Variants in CNTN4 observed in about 807,000 individuals in gnomAD.
The protein encoded by CNTN4 is contactin-4.
CNTN4 carries 77 observed loss-of-function variants against 122.5 expected under a neutral mutation model. That is an observed-to-expected ratio of 0.63 (90% confidence interval 0.52 to 0.76). The LOEUF (loss-of-function observed/expected upper bound fraction) is 0.76. CNTN4 is among the 30% of genes least tolerant of loss of function. The pLI, the probability that CNTN4 is intolerant of heterozygous loss-of-function variation, is 0.00. For synonymous variants in CNTN4, 512 were observed against 447.0 expected (o/e 1.15, Z -1.83); for missense variants, 1,256 against 1,259.1 (o/e 1.00, Z 0.04).
At chr3:2,530,375 C>T (rs1311007014) in intron 3 of CNTN4, among the ~76,000 whole-genome samples, 1 of 144,048 alleles carries the variant, frequency 6.9e-6, no homozygotes, top group Non-Finnish European at 1.5e-5. Flanking sequence ...GTGGCACGAT[C>T]TCAGCTCACT....
At chr3:2,165,967 A>G (rs2036176921) in intron 2 of CNTN4, among the ~76,000 whole-genome samples, 1 of 152,042 alleles carries the variant, frequency 6.6e-6, no homozygotes, top group Non-Finnish European at 1.5e-5. Flanking sequence ...GTGTACCACA[A>G]TTTCTTCAAT....
chr3:2,426,320 G>A (rs2047831445), intron 3 of CNTN4, among the ~76,000 whole-genome samples: 3 of 152,190 alleles, frequency 2.0e-5, no homozygotes, highest in African/African-American at 7.2e-5. Flanking sequence ...CATCTATTGA[G>A]ATAATCATGT....
At chr3:2,255,300 C>G (rs930339868) in intron 2 of CNTN4, among the ~76,000 whole-genome samples, 4 of 151,720 alleles carry the variant, frequency 2.6e-5, no homozygotes, top group Non-Finnish European at 5.9e-5. Flanking sequence ...TCTTGGAGAC[C>G]TACAAAGAGA....
At chr3:2,891,363 C>T (rs2094038279) in intron 10 of CNTN4, among the ~76,000 whole-genome samples, 1 of 152,136 alleles carries the variant, frequency 6.6e-6, no homozygotes, top group Non-Finnish European at 1.5e-5. Context: ...AGGAGAATCA[C>T]TTGAACCCAG....
rs138165803 is a variant in CNTN4 at position 2,694,011 on chromosome 3, C to G, written c.56-42204C>G. Among the ~76,000 whole-genome samples the G allele has an allele frequency of 6.7e-3, 1,017 of 152,250 alleles. 6 individuals carry two copies. Among genetic ancestry groups the G allele is most frequent in the Non-Finnish European group, 0.011 (766 of 68,024 alleles). On this transcript the variant is annotated intron_variant, in intron 4 of 24. Coordinates refer to ENST00000418658, the MANE Select transcript of CNTN4 (RefSeq NM_175607.3). ...AGTATAGTCCTAATCTGACTTTGCC[C>G]CACTTCCCCGTTTACTTACATCTTA... is the stretch of plus-strand genomic sequence containing the variant.
Position 2,156,495 on chromosome 3 carries a change from G to A in CNTN4, c.-145+55856G>A, listed in dbSNP as rs532924793. ...GGATTCCTGTCCACTCCCTGGTGTGGATGTCCTCGGCGGACTTCCTGTCCA... is the reference window on the plus strand; with the variant it reads ...GGATTCCTGTCCACTCCCTGGTGTGAATGTCCTCGGCGGACTTCCTGTCCA... On this transcript the variant is annotated intron_variant, in intron 2 of 24. Transcript: ENST00000418658. Among the ~76,000 whole-genome samples, 4 of 152,184 alleles carry A rather than the reference G, an allele frequency of 2.6e-5. No homozygotes were observed. The South Asian group carries it at 8.3e-4, about 32-fold the overall frequency.
intron 7 of CNTN4, among the ~76,000 whole-genome samples, chr3:2,850,295 A>G (rs1386481038): frequency 6.6e-6 from 1 of 152,134 alleles, no homozygotes; most frequent in Non-Finnish European, 1.5e-5. Flanking sequence ...GCCAGCAATC[A>G]CTTTTTAAAT....
At chr3:2,427,037 A>AT (rs932740174) in intron 3 of CNTN4, among the ~76,000 whole-genome samples, 3 of 151,766 alleles carry the variant, frequency 2.0e-5, no homozygotes, top group Non-Finnish European at 4.4e-5. Flanking sequence ...GGATTCATTG[A>AT]TTTTTTTGAA....
At chr3:2,934,340 A>T (rs2094549781) in intron 13 of CNTN4, among the ~76,000 whole-genome samples, 1 of 152,248 alleles carries the variant, frequency 6.6e-6, no homozygotes, top group Admixed American at 6.5e-5. Flanking sequence ...TTGTCTATAG[A>T]CACTGGTATC....
At chr3:2,244,138 T>C (rs980247225) in intron 2 of CNTN4, among the ~76,000 whole-genome samples, 3 of 151,696 alleles carry the variant, frequency 2.0e-5, no homozygotes, top group African/African-American at 7.3e-5. Context: ...TGATAAAGTT[T>C]AATTTATAAA....
chr3:2,399,078 A>C (rs749241815), intron 3 of CNTN4, among the ~76,000 whole-genome samples: 4 of 152,158 alleles, frequency 2.6e-5, no homozygotes, highest in Non-Finnish European at 5.9e-5. Flanking sequence ...TCATTAAAAC[A>C]AGAAAGAGCT....
At chr3:2,467,907 A>G (rs1031574059) in intron 3 of CNTN4, among the ~76,000 whole-genome samples, 6 of 152,124 alleles carry the variant, frequency 3.9e-5, no homozygotes, top group African/African-American at 1.4e-4. Context: ...ACTTTTCAAA[A>G]GAGTTTGATG....
At chr3:2,236,687 T>A (rs972398685) in intron 2 of CNTN4, among the ~76,000 whole-genome samples, 4 of 152,232 alleles carry the variant, frequency 2.6e-5, no homozygotes, top group Admixed American at 1.3e-4. Context: ...AAAAAGCATG[T>A]CCTCAAACTA....
At chr3:2,297,627 T>G (rs2042361731) in intron 2 of CNTN4, among the ~76,000 whole-genome samples, 1 of 152,220 alleles carries the variant, frequency 6.6e-6, no homozygotes, top group Non-Finnish European at 1.5e-5. Flanking sequence ...TTATTTTCCG[T>G]CTACCTACAA....
At chr3:2,648,434 A>T (rs148426986) in intron 4 of CNTN4, among the ~76,000 whole-genome samples, 144 of 152,266 alleles carry the variant, frequency 9.5e-4, no homozygotes, top group Admixed American at 2.8e-3. Context: ...CATTTTTGTA[A>T]TTGTCACAAT....
chr3:2,099,275 C>T (rs1176398218), intron 1 of CNTN4: 1 of 152,336 alleles, frequency 6.6e-6, no homozygotes, highest in East Asian at 1.9e-4. Context: ...CCTTCTCAGC[C>T]GGAAAATAAG....
At chr3:2,366,684 A>C (rs963477527) in intron 3 of CNTN4, among the ~76,000 whole-genome samples, 1 of 151,788 alleles carries the variant, frequency 6.6e-6, no homozygotes, top group African/African-American at 2.4e-5. Context: ...CCGAGATTGC[A>C]CCACTGCGCT....
chr3:2,750,508 A>T (rs1039226606), intron 6 of CNTN4, among the ~76,000 whole-genome samples: 2 of 152,228 alleles, frequency 1.3e-5, no homozygotes, highest in South Asian at 4.1e-4. Context: ...TTTAAAGTCA[A>T]TATATTTAAA....
chr3:2,689,273 G>A (rs2085599161), intron 4 of CNTN4, among the ~76,000 whole-genome samples: 1 of 152,092 alleles, frequency 6.6e-6, no homozygotes, highest in South Asian at 2.1e-4. Context: ...CATTCCCATT[G>A]TCACATCCCA....
Sources: gnomAD v4.1 joint callset for allele counts (sites outside exome capture counted in the v4.1 genomes callset) on GRCh38, gnomAD v4.1.1 for gene constraint, MANE v1.5 for transcripts, NCBI Gene and HGNC (gene_info 2026-07-23, HGNC 2026-07-21) for gene names.